SLC4A2: variants seen among roughly 807,000 people sequenced by gnomAD.
SLC4A2 encodes the protein anion exchange protein 2.
Under a neutral mutation model 115.0 loss-of-function variants are expected in SLC4A2, and 36 were observed. The ratio of observed to expected loss-of-function variants is 0.31; its 90% CI spans 0.24 to 0.41. The LOEUF is 0.41. Among genes scored for constraint, SLC4A2 ranks in the 10% least tolerant of loss-of-function variants. The pLI is 1.00. For synonymous variants in SLC4A2, 708 were observed against 708.3 expected, an observed-to-expected ratio of 1.00 and a Z score of 0.01; for missense variants, 1,252 against 1,705.6, an observed-to-expected ratio of 0.73 and a Z score of 4.68.
At chr7:151,066,785 C>T (rs748543874) in intron 6 of SLC4A2, 24 bp downstream of exon 6, 3 of 1,582,400 alleles carry the variant, frequency 1.9e-6, no homozygotes, top group Non-Finnish European at 1.7e-6. Context: ...CTTGGCCAAG[C>T]CCGGCACTGG....
At chr7:151,069,140 CAAAAAA>C (rs397978007) in intron 8 of SLC4A2, among the ~76,000 whole-genome samples, 16 of 40,924 alleles carry the variant, frequency 3.9e-4, no homozygotes, top group South Asian at 3.4e-3. Flanking sequence ...CTCTTATCAC[CAAAAAA>C]AAAAAAAAAA....
chr7:151,066,097 TG>T (rs1563345471), intron 5 of SLC4A2, among the ~76,000 whole-genome samples: 1 of 152,130 alleles, frequency 6.6e-6, no homozygotes, highest in Non-Finnish European at 1.5e-5. Flanking sequence ...TCTAGGGATG[TG>T]CCAGGGGGTG....
chr7:151,064,438 G>A, intron 3 of SLC4A2, 71 bp downstream of exon 3: 1 of 1,572,024 alleles, frequency 6.4e-7, no homozygotes, highest in Non-Finnish European at 8.7e-7. Flanking sequence ...AGGGACTGGG[G>A]TCCTAGTGGG....
At chr7:151,069,157 A>AAAAAAAAAAAAAAAAAAAAAAC in intron 8 of SLC4A2, among the ~76,000 whole-genome samples, 1 of 149,090 alleles carries the variant, frequency 6.7e-6, no homozygotes, top group Non-Finnish European at 1.5e-5. Flanking sequence ...AAAAAAAAAA[A>AAAAAAAAAAAAAAAAAAAAAAC]AAGCAGCTGA....
intron 16 of SLC4A2, among the ~76,000 whole-genome samples, chr7:151,073,349 C>T (rs1797505880): frequency 6.6e-6 from 1 of 151,948 alleles, no homozygotes; most frequent in East Asian, 1.9e-4. Context: ...TGCAGTGGCC[C>T]GCCTCACTGC....
intron 2 of SLC4A2, chr7:151,063,284 C>T (rs1797119003): frequency 1.0e-6 from 1 of 985,858 alleles, no homozygotes; most frequent in Non-Finnish European, 1.4e-6. Context: ...CTCCTGGGGG[C>T]TGAAGGGCAT....
At chr7:151,069,409 A>G (rs920561034) in intron 8 of SLC4A2, among the ~76,000 whole-genome samples, 2 of 152,166 alleles carry the variant, frequency 1.3e-5, no homozygotes, top group Non-Finnish European at 2.9e-5. Context: ...TCTGTGTGCA[A>G]TGGCGAGGGG....
At position 151,070,630 on chromosome 7, in the gene SLC4A2, G is replaced by A. The variant is rs532706784; in HGVS notation, c.1564+59G>A. On this transcript the variant is annotated intron_variant, in intron 11 of 22. Transcript: ENST00000413384. ...TGGCCAGGCCTTGAGGCAGAGTCCT[G>A]TAGTCTCCCTGGCCCTGCCTTGGTG... 3.1e-6 allele frequency: 5 copies of A among 1,599,680 alleles called. No homozygotes were observed. The East Asian group carries it at 8.9e-5, about 29-fold the overall frequency.
chr7:151,074,226 T>C lies in SLC4A2; in HGVS notation c.2723T>C (p.Met908Thr), dbSNP rs1257915553. Residue 908 changes from methionine (M) to threonine (T), a missense_variant, in exon 17 of 23, where the codon ATG becomes ACG. Around this residue, in one of 14 missense-constraint regions of SLC4A2, gnomAD observed 253 missense variants for 407.4 expected, o/e 0.62. Transcript: ENST00000413384. ...PNTALLSLVLMAGTFFIAFFL... is the reference protein window; with the variant it reads ...PNTALLSLVLTAGTFFIAFFL... ...ACGGCCCTGCTGTCGCTGGTGCTCA[T>C]GGCCGGCACCTTCTTCATCGCCTTC... is the stretch of plus-strand genomic sequence containing the variant. 1.2e-6 allele frequency: 2 copies of C among 1,612,946 alleles called. No homozygotes were observed. Among genetic ancestry groups the C allele is most frequent in the South Asian group, 1.1e-5 (1 of 91,080 alleles).
Position 151,066,953 on chromosome 7 carries a change from C to CACCTCGGGCCCG in SLC4A2, c.930_941dup (p.Arg313_Ala316dup). 6.2e-7 allele frequency: 1 copy of CACCTCGGGCCCG among 1,611,594 alleles called. No individual in the cohort carries two copies. Among genetic ancestry groups the CACCTCGGGCCCG allele is most frequent in the South Asian group, 1.1e-5 (1 of 90,828 alleles). On this transcript the variant is annotated inframe_insertion, in exon 7 of 23. Transcript: ENST00000413384. ...CGAGAAGGGCGGGAGCCTGGCCCCACACCTCGGGCCCGACCCCGGGCCCCC... is the reference window on the plus strand; with the variant it reads ...CGAGAAGGGCGGGAGCCTGGCCCCACACCTCGGGCCCGACCTCGGGCCCGACCCCGGGCCCCC...
In SLC4A2 at chr7:151,074,456, G is replaced by T. The variant is rs766884293; in HGVS notation, c.2848G>T (p.Val950Leu). Residue 950 changes from valine to leucine, a missense_variant, in exon 18 of 23, where the codon GTG (valine) becomes TTG (leucine). Physicochemically the swap from Val to Leu is conservative, Grantham distance 32. Around this residue, in one of 14 missense-constraint regions of SLC4A2, gnomAD observed 253 missense variants for 407.4 expected, o/e 0.62. Coordinates refer to ENST00000413384, the MANE Select transcript of SLC4A2 (RefSeq NM_003040.4). Reference sequence around the variant, plus strand: ...CATCGCCATCCTCATCATGGTGCTTGTGGATTACAGTATTGAGGACACCTA... The same window carrying T: ...CATCGCCATCCTCATCATGGTGCTTTTGGATTACAGTATTGAGGACACCTA... ...VPIAILIMVL[V>L]DYSIEDTYTQ... 1 of 1,614,062 alleles carries T rather than the reference G, an allele frequency of 6.2e-7. No homozygotes were observed. The highest frequency in any genetic ancestry group is 2.2e-5 in the East Asian group (1 of 44,888).
At position 151,075,658 on chromosome 7, in the gene SLC4A2, C is replaced by T. The variant is rs1797602784; in HGVS notation, c.3354C>T (p.Leu1118=). The change falls in exon 21 of 23, where the codon CTC becomes CTT. Residue 1118 remains leucine (L), a synonymous_variant. Transcript: ENST00000413384. ...TCCGGCAGATCCCCCTGGCCGTGCTCTTTGGAATTTTCCTGTACATGGGAG... is the reference window on the plus strand; with the variant it reads ...TCCGGCAGATCCCCCTGGCCGTGCTTTTTGGAATTTTCCTGTACATGGGAG... ...DLLRQIPLAV[L]FGIFLYMGVT... is the part of the protein sequence containing the mutation. 1 of 1,609,032 alleles carries T rather than the reference C, an allele frequency of 6.2e-7. No individual in the cohort carries two copies. The highest frequency in any genetic ancestry group is 8.5e-7 in the Non-Finnish European group (1 of 1,178,372).
intron 8 of SLC4A2, among the ~76,000 whole-genome samples, chr7:151,069,149 A>AAAAAAAAAAAAAAAAAAAG (rs1366444026): frequency 1.4e-5 from 2 of 145,948 alleles, no homozygotes; most frequent in Non-Finnish European, 3.0e-5. Context: ...CCAAAAAAAA[A>AAAAAAAAAAAAAAAAAAAG]AAAAAAAAAA....
rs750757384 is a variant in SLC4A2, at chr7:151,068,000, G to A, written c.1093G>A (p.Val365Met). The change falls in exon 8 of 23, where the codon GTG becomes ATG. Residue 365 changes from valine to methionine, a missense_variant. This residue lies in a region of SLC4A2 where 29 missense variants were observed against 80.9 expected (regional missense o/e 0.36). Transcript: ENST00000413384. ...EETERWGKPH[V>M]ASLSFRSLLE... Reference sequence around the variant, plus strand: ...GACTGAGCGCTGGGGGAAGCCCCACGTGGCCTCCCTCTCCTTCCGCAGTCT... The same window carrying A: ...GACTGAGCGCTGGGGGAAGCCCCACATGGCCTCCCTCTCCTTCCGCAGTCT... 1.3e-6 allele frequency: 2 copies of A among 1,597,510 alleles called. No homozygotes were observed. Among genetic ancestry groups the A allele is most frequent in the Non-Finnish European group, 1.7e-6 (2 of 1,174,398 alleles).
chr7:151,062,989 G>C (rs34403003), intron 2 of SLC4A2: 382,361 of 1,419,268 alleles, frequency 0.27, 53,088 homozygotes, highest in Admixed American at 0.47. Flanking sequence ...CGCCCTTGGA[G>C]ATCCCGATGC....
chr7:151,066,403 C>A, intron 5 of SLC4A2, 114 bp from the exon 6 acceptor site: 1 of 1,275,056 alleles, frequency 7.8e-7, no homozygotes, highest in Non-Finnish European at 1.0e-6. Context: ...GGAGTGGGAG[C>A]TAGGAGGGCC....
At chr7:151,075,087 TG>T in intron 19 of SLC4A2, 167 bp from the exon 20 acceptor site, 4 of 1,069,588 alleles carry the variant, frequency 3.7e-6, no homozygotes, top group East Asian at 2.6e-5. Context: ...CGATAAGGGC[TG>T]GGGGCCCAGG....
chr7:151,066,297 G>A (rs573802598), intron 5 of SLC4A2, among the ~76,000 whole-genome samples: 3 of 152,210 alleles, frequency 2.0e-5, no homozygotes, highest in Non-Finnish European at 2.9e-5. Context: ...CGGGGTGACC[G>A]TTTGGGGCTG....
Position 151,061,968 on chromosome 7 carries a change from A to G in SLC4A2, c.-20A>G. On this transcript the variant is annotated 5_prime_UTR_variant, in exon 2 of 23. Transcript: ENST00000413384. The stretch of plus-strand genomic sequence containing the variant: ...TGCCCTGAAAGCCGCAGCGACAGCG[A>G]AAAGGGCTAAGATTCGGCCATGAGC... The G allele has an allele frequency of 1.2e-6, 2 of 1,609,076 alleles. No individual in the cohort carries two copies. Among genetic ancestry groups the G allele is most frequent in the Non-Finnish European group, 1.7e-6 (2 of 1,179,140 alleles).
Sources: gnomAD v4.1 joint callset for allele counts (sites outside exome capture counted in the v4.1 genomes callset) on GRCh38, gnomAD v4.1.1 for gene constraint, gnomAD v4.1.1 regional missense constraint, MANE v1.5 for transcripts, NCBI Gene and HGNC (gene_info 2026-07-23, HGNC 2026-07-21) for gene names.